Variants in RNF121 observed in about 807,000 individuals in gnomAD.
RNF121 encodes E3 ubiquitin ligase RNF121.
A neutral mutation model predicts 46.5 loss-of-function variants in RNF121; 21 were observed. The ratio of observed to expected loss-of-function variants is 0.45; its 90% CI spans 0.32 to 0.65. The LOEUF is 0.65. Among genes scored for constraint, RNF121 ranks in the 30% least tolerant of loss-of-function variants. The probability of loss-of-function intolerance (pLI) is 0.04; values close to 1 mark genes in which losing one functional copy is unlikely to be tolerated. For synonymous variants in RNF121, 139 were observed against 144.7 expected (o/e 0.96, Z 0.28); for missense variants, 346 against 416.0 (o/e 0.83, Z 1.46).
intron 1 of RNF121, among the ~76,000 whole-genome samples, chr11:71,937,061 T>C (rs1316218252): frequency 6.6e-6 from 1 of 152,248 alleles, no homozygotes; most frequent in East Asian, 1.9e-4. Flanking sequence ...AAACTTCCTA[T>C]GAAATATTTT....
chr11:71,992,834 ATTT>A (rs59848440), intron 6 of RNF121, among the ~76,000 whole-genome samples: 1 of 151,762 alleles, frequency 6.6e-6, no homozygotes, highest in Non-Finnish European at 1.5e-5. Flanking sequence ...AAATATTTCT[ATTT>A]TTTTTTTCAG....
At chr11:71,982,335 CAAAAAAAAA>C (rs10635678) in intron 3 of RNF121, among the ~76,000 whole-genome samples, 2 of 79,112 alleles carry the variant, frequency 2.5e-5, no homozygotes, top group African/African-American at 5.1e-5. Flanking sequence ...GACTCCATCT[CAAAAAAAAA>C]AAAAAAAAAA....
Position 71,960,104 on chromosome 11 carries a change from C to T in RNF121, c.102-646C>T, listed in dbSNP as rs553162877. ...GATTAATAAAAAGTTTCCAGCTGTA[C>T]TCTCTAGTTACTAAACTTCCTTGAG... On this transcript the variant is annotated intron_variant, in intron 2 of 8. Coordinates refer to ENST00000361756, the MANE Select transcript of RNF121 (RefSeq NM_018320.5). Among the ~76,000 whole-genome samples the T allele has an allele frequency of 2.0e-5, 3 of 152,294 alleles. No homozygotes were observed. In the South Asian group the frequency reaches 6.2e-4, roughly 32 times the overall value.
At chr11:71,955,595 A>G (rs1953972620) in intron 1 of RNF121, among the ~76,000 whole-genome samples, 1 of 152,164 alleles carries the variant, frequency 6.6e-6, no homozygotes, top group Non-Finnish European at 1.5e-5. Context: ...CAACAACGAA[A>G]AATAGGGAAG....
At chr11:71,952,231 T>C (rs1361803187) in intron 1 of RNF121, among the ~76,000 whole-genome samples, 4 of 152,168 alleles carry the variant, frequency 2.6e-5, no homozygotes, top group African/African-American at 9.7e-5. Flanking sequence ...AGACCATATA[T>C]TTATGATCCC....
chr11:71,996,438 C>A lies in RNF121; in HGVS notation c.*123C>A. On this transcript the variant is annotated 3_prime_UTR_variant, in exon 9 of 9. Coordinates refer to ENST00000361756, the MANE Select transcript of RNF121 (RefSeq NM_018320.5). The stretch of plus-strand genomic sequence containing the variant: ...AAGGGGTGCTTGGGCCACTCAGGAC[C>A]CCTCTGGCTGTGTCGGACTGGGGAG... 4 of 1,230,980 alleles carry A rather than the reference C, an allele frequency of 3.2e-6. No homozygotes were observed. The highest frequency in any genetic ancestry group is 2.9e-4 in the Middle Eastern group (1 of 3,492). 76.3% of individuals were successfully genotyped at this position (1,230,980 alleles called of 1,614,324 possible).
At chr11:71,944,169 T>A (rs2134156926) in intron 1 of RNF121, among the ~76,000 whole-genome samples, 1 of 152,102 alleles carries the variant, frequency 6.6e-6, no homozygotes, top group East Asian at 1.9e-4. Flanking sequence ...CCGTCTCTAC[T>A]AAAAATACAA....
intron 3 of RNF121, among the ~76,000 whole-genome samples, chr11:71,972,447 T>G (rs1590800526): frequency 6.6e-6 from 1 of 152,288 alleles, no homozygotes; most frequent in East Asian, 1.9e-4. Context: ...TGAATGAAAC[T>G]TTTTGTCCTT....
At chr11:71,981,359 C>CT (rs1954652185) in intron 3 of RNF121, among the ~76,000 whole-genome samples, 1 of 152,186 alleles carries the variant, frequency 6.6e-6, no homozygotes, top group Admixed American at 6.5e-5. Flanking sequence ...CGAGTAAATA[C>CT]TTTCTTAGTT....
intron 1 of RNF121, among the ~76,000 whole-genome samples, chr11:71,954,548 CA>C (rs1363190293): frequency 2.0e-5 from 3 of 152,212 alleles, no homozygotes; most frequent in African/African-American, 7.2e-5. Context: ...GCAGTGAAAT[CA>C]CTTGATCACC....
intron 1 of RNF121, among the ~76,000 whole-genome samples, chr11:71,936,013 AC>A (rs1419116041): frequency 6.6e-6 from 1 of 151,432 alleles, no homozygotes; most frequent in East Asian, 1.9e-4. Flanking sequence ...ACGCCCGGCT[AC>A]TTTTTTGTAT....
At chr11:71,971,756 A>G (rs2134190930) in intron 3 of RNF121, among the ~76,000 whole-genome samples, 1 of 152,360 alleles carries the variant, frequency 6.6e-6, no homozygotes, top group East Asian at 1.9e-4. Context: ...TAGGTTGGCA[A>G]AAGCTAGAAA....
chr11:71,936,180 C>A (rs956343682), intron 1 of RNF121, among the ~76,000 whole-genome samples: 3 of 151,940 alleles, frequency 2.0e-5, no homozygotes, highest in Non-Finnish European at 4.4e-5. Context: ...TCTTAATAAT[C>A]TGTGCTAATA....
In RNF121 at chr11:71,996,190, G is replaced by C; in HGVS notation, c.864-5G>C. The stretch of plus-strand genomic sequence containing the variant: ...CAGAGTCTCTTTTCTTTAACACACT[G>C]ACAGCTGGGAGAGGCCTCACGTCAT... On this transcript the variant is annotated splice_region_variant and splice_polypyrimidine_tract_variant and intron_variant, in intron 8 of 8. Coordinates refer to ENST00000361756, the MANE Select transcript of RNF121 (RefSeq NM_018320.5). 1 of 1,613,988 alleles carries C rather than the reference G, an allele frequency of 6.2e-7. No individual in the cohort carries two copies. The highest frequency in any genetic ancestry group is 8.5e-7 in the Non-Finnish European group (1 of 1,179,928).
At chr11:71,953,424 G>A (rs530435782) in intron 1 of RNF121, among the ~76,000 whole-genome samples, 21 of 152,346 alleles carry the variant, frequency 1.4e-4, no homozygotes, top group South Asian at 2.1e-4. Context: ...GTACAGATGC[G>A]TATGGCTGTA....
chr11:71,990,450 C>A, intron 5 of RNF121, 147 bp from the exon 6 acceptor site: 3 of 918,026 alleles, frequency 3.3e-6, no homozygotes, highest in Non-Finnish European at 5.0e-6. Flanking sequence ...AAATAGACAG[C>A]AGACTGGATT....
At chr11:71,950,034 A>AC (rs1953832239) in intron 1 of RNF121, among the ~76,000 whole-genome samples, 3 of 150,976 alleles carry the variant, frequency 2.0e-5, no homozygotes, top group African/African-American at 7.4e-5. Context: ...CACACACACA[A>AC]AACTCGCACA....
chr11:71,946,868 T>C (rs1317303285), intron 1 of RNF121, among the ~76,000 whole-genome samples: 1 of 7,144 alleles, frequency 1.4e-4, no homozygotes, highest in African/African-American at 1.8e-4. Context: ...GCTCTGGCTC[T>C]TTTTTTTTTT....
chr11:71,930,100 A>G (rs116488882), intron 1 of RNF121, among the ~76,000 whole-genome samples: 2,522 of 152,318 alleles, frequency 0.017, 73 homozygotes, highest in African/African-American at 0.058. Context: ...TGAGTGTGAA[A>G]GGAATGAAGG....
Sources: allele counts gnomAD v4.1 joint callset (sites outside exome capture counted in the v4.1 genomes callset), GRCh38; gene constraint gnomAD v4.1.1; transcripts MANE v1.5; gene names NCBI Gene and HGNC (gene_info 2026-07-23, HGNC 2026-07-21).